Variants in ADAM20 observed in about 807,000 individuals in gnomAD.
ADAM20 encodes disintegrin and metalloproteinase domain-containing protein 20.
For synonymous variants in ADAM20, 305 were observed against 310.2 expected (o/e 0.98, Z 0.18); for missense variants, 871 against 883.2 (o/e 0.99, Z 0.18).
At chr14:70,539,475 TA>T (rs2139548756), upstream of ADAM20, among the ~76,000 whole-genome samples, 1 of 152,352 alleles carries the variant, frequency 6.6e-6, no homozygotes, top group South Asian at 2.1e-4. Context: ...AAGATAGGGC[TA>T]TAAACGCCCT....
At chr14:70,568,801 A>C in the ADAM20 span, among the ~76,000 whole-genome samples, 1 of 152,174 alleles carries the variant, frequency 6.6e-6, no homozygotes, top group Admixed American at 6.5e-5. Flanking sequence ...CTGGTCCTTC[A>C]AATTAACCCA....
At chr14:70,528,487 G>T (rs1200540442) in intron 1 of ADAM20, among the ~76,000 whole-genome samples, 3 of 152,098 alleles carry the variant, frequency 2.0e-5, no homozygotes, top group African/African-American at 7.2e-5. Context: ...TTAATCACTG[G>T]ATACATAGGT....
the ADAM20 span, among the ~76,000 whole-genome samples, chr14:70,571,460 G>A: frequency 6.6e-6 from 1 of 152,286 alleles, no homozygotes; most frequent in East Asian, 1.9e-4. Context: ...TTTCCCTTAT[G>A]CCATGATTGT....
chr14:70,575,737 G>C, the ADAM20 span, among the ~76,000 whole-genome samples: 1 of 152,100 alleles, frequency 6.6e-6, no homozygotes, highest in Non-Finnish European at 1.5e-5. Context: ...ATATACATAA[G>C]TAACTATAAT....
the ADAM20 span, among the ~76,000 whole-genome samples, chr14:70,564,159 T>C: frequency 1.3e-5 from 2 of 152,222 alleles, no homozygotes; most frequent in African/African-American, 4.8e-5. Flanking sequence ...CTGAGACAAC[T>C]AGGAGCAAAA....
the ADAM20 span, among the ~76,000 whole-genome samples, chr14:70,562,694 T>C: frequency 6.6e-6 from 1 of 152,114 alleles, no homozygotes; most frequent in African/African-American, 2.4e-5. Flanking sequence ...TTCCCCCTTT[T>C]TTCTCTCTCT....
chr14:70,522,444 G>A lies in ADAM20; in HGVS notation c.*133C>T. On this transcript the variant is annotated 3_prime_UTR_variant, in exon 2 of 2. Transcript: ENST00000256389. ...GGAATCCTTTGCTGTGATAGCTAAT[G>A]CTTGCAATCCTGACATGAAATGTCC... 1.1e-6 allele frequency: 1 copy of A among 912,072 alleles called. No homozygotes were observed. Among genetic ancestry groups the A allele is most frequent in the African/African-American group, 1.7e-5 (1 of 59,406 alleles). 56.5% of individuals were successfully genotyped at this position (912,072 alleles called of 1,614,324 possible). A position where few individuals can be genotyped will look rare whatever the true frequency, so the allele number is the denominator to read the frequency against.
chr14:70,564,403 G>A, the ADAM20 span, among the ~76,000 whole-genome samples: 4 of 152,142 alleles, frequency 2.6e-5, no homozygotes, highest in Non-Finnish European at 5.9e-5. Flanking sequence ...AACAAGAGAC[G>A]AAGGGAGGGT....
the ADAM20 span, among the ~76,000 whole-genome samples, chr14:70,558,976 CTGTACTCATTCTAT>C: frequency 3.9e-5 from 6 of 152,294 alleles, no homozygotes; most frequent in East Asian, 1.9e-4. Flanking sequence ...TTAACTCTCT[CTGTACTCATTCTAT>C]TGTACTCATT....
chr14:70,554,767 A>G, the ADAM20 span, among the ~76,000 whole-genome samples: 1 of 152,210 alleles, frequency 6.6e-6, no homozygotes, highest in East Asian at 1.9e-4. Context: ...ATGGGAAGAC[A>G]TTGGTCAAGG....
chr14:70,542,864 G>A, the ADAM20 span, among the ~76,000 whole-genome samples: 1,413 of 152,084 alleles, frequency 9.3e-3, 25 homozygotes, highest in African/African-American at 0.032. Flanking sequence ...GCTTGAACCC[G>A]GGAGGTGGAG....
At chr14:70,543,736 T>C in the ADAM20 span, among the ~76,000 whole-genome samples, 1 of 152,078 alleles carries the variant, frequency 6.6e-6, no homozygotes, top group African/African-American at 2.4e-5. Flanking sequence ...CAAAAACATC[T>C]AGAGATGGCA....
the ADAM20 span, among the ~76,000 whole-genome samples, chr14:70,572,982 T>C: frequency 2.6e-5 from 4 of 152,084 alleles, no homozygotes; most frequent in African/African-American, 9.7e-5. Flanking sequence ...AAATTGTTGG[T>C]AGAGAATGTG....
At chr14:70,573,795 T>C in the ADAM20 span, among the ~76,000 whole-genome samples, 1 of 152,134 alleles carries the variant, frequency 6.6e-6, no homozygotes, top group Non-Finnish European at 1.5e-5. Flanking sequence ...ACAAAAAAGA[T>C]CATTGTATAA....
At chr14:70,567,565 C>T in the ADAM20 span, among the ~76,000 whole-genome samples, 6 of 152,144 alleles carry the variant, frequency 3.9e-5, no homozygotes, top group African/African-American at 9.7e-5. Context: ...GGAATGCATT[C>T]GGAGAAAGCA....
the ADAM20 span, among the ~76,000 whole-genome samples, chr14:70,569,255 T>C: frequency 2.6e-5 from 4 of 152,148 alleles, no homozygotes; most frequent in African/African-American, 9.7e-5. Context: ...AGATAAGCCC[T>C]ACAAGAAATA....
the ADAM20 span, among the ~76,000 whole-genome samples, chr14:70,568,877 T>C: frequency 4.1e-4 from 62 of 151,982 alleles, no homozygotes; most frequent in African/African-American, 1.4e-3. Context: ...TTGGAAAACA[T>C]ATTTGAGGAA....
the ADAM20 span, among the ~76,000 whole-genome samples, chr14:70,540,588 A>G: frequency 6.6e-6 from 1 of 152,192 alleles, no homozygotes; most frequent in Non-Finnish European, 1.5e-5. Flanking sequence ...CTCAGCCCAA[A>G]CAGAATAATC....
the ADAM20 span, among the ~76,000 whole-genome samples, chr14:70,574,119 T>C: frequency 2.6e-5 from 4 of 152,160 alleles, no homozygotes; most frequent in African/African-American, 7.2e-5. Context: ...ATAACAAGTT[T>C]TAACAGATTA....
Sources: allele counts gnomAD v4.1 joint callset (sites outside exome capture counted in the v4.1 genomes callset), GRCh38; gene constraint gnomAD v4.1.1; transcripts MANE v1.5; gene names NCBI Gene and HGNC (gene_info 2026-07-23, HGNC 2026-07-21).